Variants in TRIM27 observed in about 807,000 individuals in gnomAD.
The protein encoded by TRIM27 is zinc finger protein RFP.
Under a neutral mutation model 57.6 loss-of-function variants are expected in TRIM27, and 12 were observed. The ratio of observed to expected loss-of-function variants is 0.21; its 90% CI spans 0.13 to 0.34. TRIM27 has a LOEUF of 0.34. Ranked by LOEUF, TRIM27 falls within the 10% of genes least tolerant of loss-of-function variation. The probability of loss-of-function intolerance (pLI) is 1.00; values close to 1 mark genes in which losing one functional copy is unlikely to be tolerated. For missense variants in TRIM27, 403 were observed against 656.8 expected (o/e 0.61, Z 4.22); for synonymous variants, 266 against 259.0 (o/e 1.03, Z -0.26).
At chr6:28,912,807 C>A (rs1257905067) in intron 3 of TRIM27, among the ~76,000 whole-genome samples, 1 of 151,990 alleles carries the variant, frequency 6.6e-6, no homozygotes, top group Non-Finnish European at 1.5e-5. Flanking sequence ...TTTATTGATA[C>A]GTAACAGACA....
At chr6:28,920,516 T>C (rs758142311) in intron 2 of TRIM27, among the ~76,000 whole-genome samples, 3 of 152,098 alleles carry the variant, frequency 2.0e-5, no homozygotes, top group East Asian at 1.9e-4. Context: ...TAATTAAAGA[T>C]AGGGTGACAG....
chr6:28,923,637 C>A lies in TRIM27; in HGVS notation c.-5G>T, dbSNP rs764626797. On this transcript the variant is annotated 5_prime_UTR_variant, in exon 1 of 8. Transcript: ENST00000377199. ...GGCCACACTCCCGGAGGCCATGGCGCCGGCCTGCGGGGGCGCACGGGCATG... is the reference window on the plus strand; with the variant it reads ...GGCCACACTCCCGGAGGCCATGGCGACGGCCTGCGGGGGCGCACGGGCATG... The A allele has an allele frequency of 1.3e-6, 2 of 1,563,822 alleles. No individual in the cohort carries two copies. Among genetic ancestry groups the A allele is most frequent in the Middle Eastern group, 2.2e-4 (1 of 4,454 alleles).
At chr6:28,910,290 G>A (rs1210750435) in intron 4 of TRIM27, among the ~76,000 whole-genome samples, 1 of 151,960 alleles carries the variant, frequency 6.6e-6, no homozygotes, top group South Asian at 2.1e-4. Flanking sequence ...GATCACTGGA[G>A]TTACCACACT....
At position 28,907,297 on chromosome 6, in the gene TRIM27, T is replaced by G. The variant is rs548158843; in HGVS notation, c.920-35A>C. 56 of 1,605,420 alleles carry G rather than the reference T, an allele frequency of 3.5e-5. No homozygotes were observed. The South Asian group carries it at 5.6e-4, about 16-fold the overall frequency. ...TAAAAGAGCAAAGTTATGGAAGTCA[T>G]GAGGGTTTCCAGGAAATACATAACT... On this transcript the variant is annotated intron_variant, in intron 6 of 7. Coordinates refer to ENST00000377199, the MANE Select transcript of TRIM27 (RefSeq NM_006510.5).
chr6:28,917,117 G>T (rs1457756157), intron 3 of TRIM27, among the ~76,000 whole-genome samples: 3 of 151,924 alleles, frequency 2.0e-5, no homozygotes, highest in African/African-American at 7.3e-5. Flanking sequence ...ACTCCGACTG[G>T]GTTTCAGAGT....
rs1772589743 is a variant in TRIM27 at position 28,904,110 on chromosome 6, T to C, written c.1502A>G (p.His501Arg). 1.2e-6 allele frequency: 2 copies of C among 1,612,982 alleles called. No homozygotes were observed. Residue 501 changes from histidine to arginine, a missense_variant, in exon 8 of 8, where the codon CAT becomes CGT. Coordinates refer to ENST00000377199, the MANE Select transcript of TRIM27 (RefSeq NM_006510.5). This position sits in a 1 kb window ranked among gnomAD's most constrained non-coding sequence, Gnocchi z 6.1. ...CATGGAATGACCATGATTCCCAACA[T>C]GGCCAGAAAACCCATCTATCCCACT... The part of the protein sequence containing the change: ...PMSGIDGFSG[H>R]VGNHGHSMET...
At position 28,923,932 on chromosome 6, in the gene TRIM27, G is replaced by C. The variant is rs1189271148; in HGVS notation, c.-300C>G. On this transcript the variant is annotated 5_prime_UTR_variant, in exon 1 of 8. Coordinates refer to ENST00000377199, the MANE Select transcript of TRIM27 (RefSeq NM_006510.5). ...AGGGTCAGAGTCCCAGGGCCAGGCG[G>C]GCAAAGCGCGCAAGACAACGTGGCC... The C allele has an allele frequency of 1.5e-5, 6 of 395,134 alleles. No individual in the cohort carries two copies. The highest frequency in any genetic ancestry group is 1.2e-4 in the African/African-American group (6 of 48,260). 24.5% of individuals were successfully genotyped at this position (395,134 alleles called of 1,614,324 possible).
At chr6:28,905,962 G>C (rs1200656815) in intron 7 of TRIM27, 1 of 152,182 alleles carries the variant, frequency 6.6e-6, no homozygotes, top group Non-Finnish European at 1.5e-5. Flanking sequence ...GCTCATGCCT[G>C]TAATCTCAGC....
intron 3 of TRIM27, among the ~76,000 whole-genome samples, chr6:28,913,418 A>G (rs1707486709): frequency 6.6e-6 from 1 of 151,664 alleles, no homozygotes. Context: ...GTACCCATTA[A>G]TCAATCTCTC....
chr6:28,923,780 C>T lies in TRIM27; in HGVS notation c.-148G>A. On this transcript the variant is annotated 5_prime_UTR_variant, in exon 1 of 8. Coordinates refer to ENST00000377199, the MANE Select transcript of TRIM27 (RefSeq NM_006510.5). ...GCCTCCCGGGCCCGTATCCCAGACG[C>T]GCCCGCGCACCGAAGGCTTGGAGTG... 2.3e-6 allele frequency: 2 copies of T among 864,854 alleles called. No individual in the cohort carries two copies. The highest frequency in any genetic ancestry group is 1.9e-5 in the South Asian group (1 of 53,270). The allele number at this position is 864,854 out of a possible 1,614,324, so 53.6% of individuals were successfully genotyped here.
chr6:28,923,073 G>A (rs780944444), intron 1 of TRIM27, 140 bp downstream of exon 1: 45 of 1,028,424 alleles, frequency 4.4e-5, no homozygotes, highest in Non-Finnish European at 5.9e-5. Context: ...CTGAGGCTCT[G>A]GAGCGGACAG....
intron 4 of TRIM27, among the ~76,000 whole-genome samples, chr6:28,910,914 C>T (rs1344325748): frequency 6.6e-6 from 1 of 152,168 alleles, no homozygotes; most frequent in South Asian, 2.1e-4. Flanking sequence ...GGCCTCCCAG[C>T]CAAACTGCCC....
chr6:28,904,067 TC>T lies in TRIM27; in HGVS notation c.*2del, dbSNP rs1772586137. 1 of 1,610,076 alleles carries T rather than the reference TC, an allele frequency of 6.2e-7. No homozygotes were observed. Among genetic ancestry groups the T allele is most frequent in the African/African-American group, 1.3e-5 (1 of 74,732 alleles). ...ACAGCCCTTTTGGCCTGAATTCACC[TC>T]CTCAAGGGGAGGTCTCCATGGAATG... On this transcript the variant is annotated 3_prime_UTR_variant, in exon 8 of 8. Transcript: ENST00000377199. This position sits in a 1 kb window ranked among gnomAD's most constrained non-coding sequence, Gnocchi z 6.1.
At chr6:28,905,027 C>T (rs1772660477) in intron 7 of TRIM27, 2 of 235,404 alleles carry the variant, frequency 8.5e-6, no homozygotes, top group Admixed American at 9.9e-5. Context: ...ATTCTCCCGC[C>T]TAAGACACCC....
rs1475491746 is a variant in TRIM27 at position 28,903,709 on chromosome 6, G to C, written c.*361C>G. 6.6e-6 allele frequency: 2 copies of C among 304,798 alleles called. No individual in the cohort carries two copies. Among genetic ancestry groups the C allele is most frequent in the African/African-American group, 4.2e-5 (2 of 47,768 alleles). 18.9% of individuals were successfully genotyped at this position (304,798 alleles called of 1,614,324 possible). Reference sequence around the variant, plus strand: ...AGCAAATAGCCATAATCATTATGTGGGGCTGAACCAGAGGAAGCCAGGCTG... The same window carrying C: ...AGCAAATAGCCATAATCATTATGTGCGGCTGAACCAGAGGAAGCCAGGCTG... On this transcript the variant is annotated 3_prime_UTR_variant, in exon 8 of 8. Transcript: ENST00000377199.
At position 28,920,099 on chromosome 6, in the gene TRIM27, G is replaced by C. The variant is rs1008815771; in HGVS notation, c.660C>G (p.Thr220=). Reference sequence around the variant, plus strand: ...GGTGGGAGATGTTGCAAGAGAACTGGGTGATGGCACCATTGATGCTATTGT... The same window carrying C: ...GGTGGGAGATGTTGCAAGAGAACTGCGTGATGGCACCATTGATGCTATTGT... ...AIYNSINGAI[T]QFSCNISHLS... is the part of the protein sequence containing the mutation. Residue 220 remains threonine, a synonymous_variant, in exon 3 of 8, where the codon ACC becomes ACG. Transcript: ENST00000377199. 1 of 1,614,078 alleles carries C rather than the reference G, an allele frequency of 6.2e-7. No homozygotes were observed. The highest frequency in any genetic ancestry group is 1.3e-5 in the African/African-American group (1 of 74,920).
At chr6:28,906,423 T>C (rs1440590169) in intron 7 of TRIM27, 3 of 152,024 alleles carry the variant, frequency 2.0e-5, no homozygotes, top group Non-Finnish European at 1.5e-5. Flanking sequence ...CAACAATCTG[T>C]CTACAACAGC....
In TRIM27 at chr6:28,923,474, G is replaced by A. The variant is rs375428170; in HGVS notation, c.159C>T (p.Cys53=). 6.3e-5 allele frequency: 101 copies of A among 1,612,072 alleles called. No homozygotes were observed. The highest frequency in any genetic ancestry group is 8.2e-5 in the Non-Finnish European group (97 of 1,179,628). Residue 53 remains cysteine (C), a synonymous_variant, in exon 1 of 8, where the codon TGC becomes TGT. Coordinates refer to ENST00000377199, the MANE Select transcript of TRIM27 (RefSeq NM_006510.5). ...CWGTAETNVS[C]PQCRETFPQR... is the part of the protein sequence containing the mutation. ...GCGGGAAGGTCTCCCGGCACTGCGG[G>A]CACGACACGTTAGTCTCTGCCGTGC...
intron 3 of TRIM27, 114 bp from the exon 4 acceptor site, chr6:28,911,832 G>A: frequency 1.0e-6 from 1 of 979,090 alleles, no homozygotes; most frequent in Non-Finnish European, 1.6e-6. Flanking sequence ...GAGAAATTAG[G>A]GAGAAAAGGA....
Sources: gnomAD v4.1 joint callset for allele counts (sites outside exome capture counted in the v4.1 genomes callset) on GRCh38, gnomAD v4.1.1 for gene constraint, Gnocchi (gnomAD v3.1) non-coding constraint, MANE v1.5 for transcripts, NCBI Gene and HGNC (gene_info 2026-07-23, HGNC 2026-07-21) for gene names.